The following NOP14 variants were observed in gnomAD, a reference collection of about 807,000 sequenced individuals.
The protein encoded by NOP14 is NOP14 nucleolar protein, also known as nucleolar protein 14.
Under a neutral mutation model 101.6 loss-of-function variants are expected in NOP14, and 57 were observed. That is an observed-to-expected ratio of 0.56 (90% CI 0.45 to 0.70). The LOEUF (loss-of-function observed/expected upper bound fraction) is 0.70, where lower values mean the gene tolerates loss of function less well. Ranked by LOEUF, NOP14 falls within the 30% of genes least tolerant of loss-of-function variation. NOP14 has a pLI of 0.00. For missense variants in NOP14, 1,134 were observed against 1,075.5 expected (o/e 1.05, Z -0.76); for synonymous variants, 428 against 424.0 (o/e 1.01, Z -0.12).
intron 3 of NOP14, among the ~76,000 whole-genome samples, chr4:2,955,004 C>CCACGGCGCCCCCTCTAGTCACCTGCAT (rs1715246545): frequency 7.1e-6 from 1 of 140,740 alleles, no homozygotes; most frequent in East Asian, 2.2e-4. Flanking sequence ...GTCACCTGCA[C>CCACGGCGCCCCCTCTAGTCACCTGCAT]GCCACGGCGC....
At chr4:2,959,477 C>T (rs1031489579) in intron 1 of NOP14, among the ~76,000 whole-genome samples, 6 of 152,072 alleles carry the variant, frequency 3.9e-5, no homozygotes, top group African/African-American at 1.4e-4. Context: ...CCTGTAGTCC[C>T]AGCTACTCAG....
At chr4:2,953,684 C>G in intron 4 of NOP14, 39 bp from the exon 5 acceptor site, 1 of 1,610,112 alleles carries the variant, frequency 6.2e-7, no homozygotes, top group Non-Finnish European at 8.5e-7. Flanking sequence ...CATACCGTTA[C>G]TACTGGACTT....
rs34876166 is a variant in NOP14 at position 2,961,106 on chromosome 4, T to A, written c.195+2019A>T. Among the ~76,000 whole-genome samples, 129 of 37,860 alleles carry A rather than the reference T, an allele frequency of 3.4e-3. 12 individuals carry two copies. Among genetic ancestry groups the A allele is most frequent in the African/African-American group, 0.013 (53 of 3,938 alleles). 24.8% of individuals were successfully genotyped at this position (37,860 alleles called of 152,430 possible). The stretch of plus-strand genomic sequence containing the variant: ...AATATTATAATAATATATTAATATT[T>A]TAATAATATATTAATATTATAATAA... On this transcript the variant is annotated intron_variant, in intron 1 of 17. Coordinates refer to ENST00000416614, the MANE Select transcript of NOP14 (RefSeq NM_001291978.2).
At chr4:2,962,136 A>G (rs908634923) in intron 1 of NOP14, among the ~76,000 whole-genome samples, 1 of 152,244 alleles carries the variant, frequency 6.6e-6, no homozygotes, top group Non-Finnish European at 1.5e-5. Context: ...TGTGTGCTCT[A>G]TGTGCTATCT....
At chr4:2,940,000 A>G (rs1444411509) in intron 15 of NOP14, among the ~76,000 whole-genome samples, 9 of 152,266 alleles carry the variant, frequency 5.9e-5, no homozygotes, top group African/African-American at 2.2e-4. Context: ...TTCCCAGACA[A>G]ACTTGGCACG....
Position 2,952,409 on chromosome 4 carries a change from A to G in NOP14, c.748-12T>C. The G allele has an allele frequency of 6.4e-7, 1 of 1,567,930 alleles. No individual in the cohort carries two copies. Among genetic ancestry groups the G allele is most frequent in the Non-Finnish European group, 8.6e-7 (1 of 1,160,510 alleles). On this transcript the variant is annotated splice_polypyrimidine_tract_variant and intron_variant, in intron 5 of 17. Transcript: ENST00000416614. ...TCATATGCATCGGGCTAAGGTAGAA[A>G]GAAGAAATTCTTCATTTTAAAAATA...
In NOP14 at chr4:2,941,583, T is replaced by G; in HGVS notation, c.2198A>C (p.Gln733Pro). 6.2e-7 allele frequency: 1 copy of G among 1,611,684 alleles called. No homozygotes were observed. Among genetic ancestry groups the G allele is most frequent in the South Asian group, 1.1e-5 (1 of 90,686 alleles). Reference protein sequence around the residue: ...LADCSHPQELQELCQSTLTEM... With the variant: ...LADCSHPQELPELCQSTLTEM... ...ACCCTAGTGGCCGGGAAGCCTCACC[T>G]GGAGCTCCTGCGGGTGGCTGCAGTC... Residue 733 changes from glutamine (Q) to proline (P), a missense_variant and splice_region_variant, in exon 15 of 18, where the codon CAG becomes CCG. Physicochemically the swap from Gln to Pro is moderately conservative, Grantham distance 76 (BLOSUM62 -1). Coordinates refer to ENST00000416614, the MANE Select transcript of NOP14 (RefSeq NM_001291978.2).
intron 13 of NOP14, 152 bp from the exon 14 acceptor site, chr4:2,942,503 G>A (rs971073437): frequency 4.9e-5 from 41 of 829,464 alleles, no homozygotes; most frequent in East Asian, 4.1e-4. Context: ...GGGTTTCAGC[G>A]TGGGCAGGGA....
intron 1 of NOP14, among the ~76,000 whole-genome samples, chr4:2,961,080 TA>T (rs1560311736): frequency 1.8e-5 from 2 of 112,976 alleles, no homozygotes; most frequent in African/African-American, 7.8e-5. Flanking sequence ...AATACTATAT[TA>T]ATATTATAAT....
In NOP14 at chr4:2,951,121, GA is replaced by G; in HGVS notation, c.994del (p.Ser332ProfsTer7). On this transcript the variant is annotated frameshift_variant, in exon 7 of 18. Transcript: ENST00000416614. LOFTEE classifies it high-confidence loss of function. ...VLDKDDRRLL[S>X]YKDGKMNVEE... ...TGAAGGCAAACATCTTACTTTGTAG[GA>G]AAGCAAACGCCTGTCATCTTTATCT... The G allele has an allele frequency of 6.2e-7, 1 of 1,606,966 alleles. No homozygotes were observed. The highest frequency in any genetic ancestry group is 1.3e-5 in the African/African-American group (1 of 74,880).
rs751451315 is a variant in NOP14 at position 2,939,567 on chromosome 4, G to A, written c.2278C>T (p.Pro760Ser). The A allele has an allele frequency of 6.2e-7, 1 of 1,613,988 alleles. No homozygotes were observed. The highest frequency in any genetic ancestry group is 8.5e-7 in the Non-Finnish European group (1 of 1,180,030). Residue 760 changes from proline (P) to serine (S), a missense_variant, in exon 16 of 18, where the codon CCT becomes TCT. By Grantham distance (74) the Pro-to-Ser change is moderately conservative. Transcript: ENST00000416614. ...CRPLTCEKSKPVPLKLFTPRL... is the reference protein window; with the variant it reads ...CRPLTCEKSKSVPLKLFTPRL... ...GGTGTGAAAAGCTTCAGTGGGACAGGCTTGCTCTTCTCACAGGTCAGCGGC... is the reference window on the plus strand; with the variant it reads ...GGTGTGAAAAGCTTCAGTGGGACAGACTTGCTCTTCTCACAGGTCAGCGGC...
At chr4:2,940,620 G>A (rs923463333) in intron 15 of NOP14, 4 of 152,392 alleles carry the variant, frequency 2.6e-5, no homozygotes, top group African/African-American at 7.2e-5. Flanking sequence ...CTATGCTCCA[G>A]GGACCTGGCC....
At chr4:2,952,076 T>C (rs1352485125) in intron 6 of NOP14, among the ~76,000 whole-genome samples, 199 bp downstream of exon 6, 3 of 148,370 alleles carry the variant, frequency 2.0e-5, no homozygotes, top group Admixed American at 6.7e-5. Context: ...CACTGTACTC[T>C]AGCTGGGTGA....
chr4:2,938,252 T>C lies in NOP14; in HGVS notation c.*579A>G. The C allele has an allele frequency of 1.6e-6, 2 of 1,287,898 alleles. No individual in the cohort carries two copies. Among genetic ancestry groups the C allele is most frequent in the Non-Finnish European group, 2.0e-6 (2 of 987,680 alleles). 79.8% of individuals were successfully genotyped at this position (1,287,898 alleles called of 1,614,324 possible). A position where few individuals can be genotyped will look rare whatever the true frequency, so the allele number is the denominator to read the frequency against. Reference sequence around the variant, plus strand: ...CTCTAAAAAAAATTACTTTTTTGGCTGGGTGCTGTGGCTCACACCTATAAT... The same window carrying C: ...CTCTAAAAAAAATTACTTTTTTGGCCGGGTGCTGTGGCTCACACCTATAAT... On this transcript the variant is annotated 3_prime_UTR_variant, in exon 18 of 18. Coordinates refer to ENST00000416614, the MANE Select transcript of NOP14 (RefSeq NM_001291978.2).
At position 2,949,997 on chromosome 4, in the gene NOP14, A is replaced by G. The variant is rs775227487; in HGVS notation, c.1219T>C (p.Leu407=). ...KEQRQTPGKG[L]ISGKERAGKA... is the part of the protein sequence containing the mutation. The stretch of plus-strand genomic sequence containing the variant: ...CCAGCTCTTTCCTTGCCGCTTATCA[A>G]CCCTTTCCCAGGAGTCTGCCTCTGC... Residue 407 remains leucine (L), a synonymous_variant, in exon 8 of 18, where the codon TTG becomes CTG. Coordinates refer to ENST00000416614, the MANE Select transcript of NOP14 (RefSeq NM_001291978.2). 9.9e-6 allele frequency: 16 copies of G among 1,613,942 alleles called. No homozygotes were observed. In the East Asian group the frequency reaches 1.3e-4, roughly 13 times the overall value.
chr4:2,947,354 C>T (rs1044308777), intron 10 of NOP14, 172 bp downstream of exon 10: 35 of 599,366 alleles, frequency 5.8e-5, no homozygotes, highest in African/African-American at 1.1e-4. Flanking sequence ...TGTGAGAAGC[C>T]GGCTTGCGCT....
intron 15 of NOP14, chr4:2,941,259 C>T (rs528887826): frequency 9.3e-5 from 30 of 321,958 alleles, no homozygotes; most frequent in African/African-American, 2.8e-4. Flanking sequence ...GACTGCAGAG[C>T]GCGGCTCAGA....
chr4:2,962,976 G>C (rs544208893), intron 1 of NOP14, 149 bp downstream of exon 1: 2 of 755,706 alleles, frequency 2.6e-6, no homozygotes, highest in Non-Finnish European at 3.9e-6. Context: ...GAACAGCAGA[G>C]GCTTTCGGAC....
intron 1 of NOP14, chr4:2,961,304 T>TAGTATATATTAATATATAGTA (rs1715882876): frequency 3.3e-3 from 11 of 3,376 alleles, no homozygotes; most frequent in African/African-American, 7.4e-3. Flanking sequence ...TTAATATAGT[T>TAGTATATATTAATATATAGTA]ACTGATTTAA....
Sources: gnomAD v4.1 joint callset for allele counts (sites outside exome capture counted in the v4.1 genomes callset) on GRCh38, gnomAD v4.1.1 for gene constraint, MANE v1.5 for transcripts, NCBI Gene and HGNC (gene_info 2026-07-23, HGNC 2026-07-21) for gene names.